The following KCNK3 variants were observed in gnomAD, a reference collection of about 807,000 sequenced individuals.
KCNK3 encodes the protein potassium channel subfamily K member 3.
In KCNK3, 9 loss-of-function variants were observed where a neutral mutation model predicts 27.3. The ratio of observed to expected loss-of-function variants is 0.33; its 90% CI spans 0.20 to 0.57. The LOEUF (loss-of-function observed/expected upper bound fraction) is 0.57. KCNK3 is among the 20% of genes least tolerant of loss of function. The pLI, the probability that KCNK3 is intolerant of heterozygous loss-of-function variation, is 0.87. For missense variants in KCNK3, 391 were observed against 577.7 expected (o/e 0.68, Z 3.31); for synonymous variants, 278 against 273.8 (o/e 1.02, Z -0.15).
Position 26,728,386 on chromosome 2 carries a change from A to C in KCNK3, c.1003A>C (p.Thr335Pro), listed in dbSNP as rs1663470319. 6.2e-7 allele frequency: 1 copy of C among 1,606,812 alleles called. No individual in the cohort carries two copies. Among genetic ancestry groups the C allele is most frequent in the Non-Finnish European group, 8.5e-7 (1 of 1,177,084 alleles). ...IPMIIPRDLS[T>P]SDTCVEQSHS... is the part of the protein sequence containing the mutation. ...CATGATCATCCCGCGGGACCTCTCC[A>C]CGTCCGACACGTGCGTGGAGCAGAG... Residue 335 changes from threonine to proline, a missense_variant, in exon 2 of 2, where the codon ACG (threonine) becomes CCG (proline). Thr to Pro is a conservative substitution (Grantham distance 38). Coordinates refer to ENST00000302909, the MANE Select transcript of KCNK3 (RefSeq NM_002246.3).
In KCNK3 at chr2:26,728,709, G is replaced by C; in HGVS notation, c.*141G>C. ...ACTCTCCCCCAGCACCCCCATCTCCGACTGTGCCTGCTTGCACCAGCCGGC... is the reference window on the plus strand; with the variant it reads ...ACTCTCCCCCAGCACCCCCATCTCCCACTGTGCCTGCTTGCACCAGCCGGC... On this transcript the variant is annotated 3_prime_UTR_variant, in exon 2 of 2. Transcript: ENST00000302909. 2 of 725,440 alleles carry C rather than the reference G, an allele frequency of 2.8e-6. No individual in the cohort carries two copies. The highest frequency in any genetic ancestry group is 3.9e-6 in the Non-Finnish European group (2 of 508,350). 44.9% of individuals were successfully genotyped at this position (725,440 alleles called of 1,614,324 possible).
At position 26,693,982 on chromosome 2, in the gene KCNK3, GAGAGAGAC is replaced by G. The variant is rs1670203920; in HGVS notation, c.283+832_283+839del. 6.6e-6 allele frequency among the ~76,000 whole-genome samples: 1 copy of G among 152,008 alleles called. No homozygotes were observed. Among genetic ancestry groups the G allele is most frequent in the Non-Finnish European group, 1.5e-5 (1 of 67,986 alleles). ...GGGCACACACACACACACACACAGA[GAGAGAGAC>G]AGAGAGAGAGAGAGAGAACAAACGT... On this transcript the variant is annotated intron_variant, in intron 1 of 1. Coordinates refer to ENST00000302909, the MANE Select transcript of KCNK3 (RefSeq NM_002246.3). The surrounding 1 kb of genome is among the most constrained non-coding windows in gnomAD (Gnocchi z 5.5).
intron 1 of KCNK3, among the ~76,000 whole-genome samples, chr2:26,712,717 G>C (rs111492013): frequency 3.8e-4 from 57 of 151,676 alleles, no homozygotes; most frequent in African/African-American, 1.3e-3. Flanking sequence ...GCACACACAT[G>C]TGAATGTTGG....
chr2:26,726,808 T>C (rs955402295), intron 1 of KCNK3, among the ~76,000 whole-genome samples: 2 of 151,936 alleles, frequency 1.3e-5, no homozygotes, highest in African/African-American at 4.8e-5. Context: ...TACAGAGAGA[T>C]TATCTGGCTG....
At chr2:26,699,686 A>T (rs912730160) in intron 1 of KCNK3, among the ~76,000 whole-genome samples, 1 of 151,918 alleles carries the variant, frequency 6.6e-6, no homozygotes, top group African/African-American at 2.4e-5. Flanking sequence ...CAGGACGGAC[A>T]CTCCCTCCTC....
chr2:26,707,354 C>T (rs928156339), intron 1 of KCNK3, among the ~76,000 whole-genome samples: 2 of 152,162 alleles, frequency 1.3e-5, no homozygotes, highest in Admixed American at 6.5e-5. Flanking sequence ...TGGCCAGGAG[C>T]GAGGCTGCAG....
In KCNK3 at chr2:26,728,541, C is replaced by G; in HGVS notation, c.1158C>G (p.Gly386=). The change falls in exon 2 of 2, where the codon GGC becomes GGG. Residue 386 remains glycine, a synonymous_variant. Transcript: ENST00000302909. The part of the protein sequence containing the change: ...TGLHSLSTFR[G]LMKRRSSV ...TGCACAGCCTGTCCACCTTCCGCGGCCTCATGAAGCGCAGGAGCTCCGTGT... is the reference window on the plus strand; with the variant it reads ...TGCACAGCCTGTCCACCTTCCGCGGGCTCATGAAGCGCAGGAGCTCCGTGT... 1 of 1,466,348 alleles carries G rather than the reference C, an allele frequency of 6.8e-7. No individual in the cohort carries two copies. 90.8% of individuals were successfully genotyped at this position (1,466,348 alleles called of 1,614,324 possible).
At chr2:26,723,144 C>T (rs1663354651) in intron 1 of KCNK3, among the ~76,000 whole-genome samples, 2 of 152,214 alleles carry the variant, frequency 1.3e-5, no homozygotes, top group Admixed American at 1.3e-4. Context: ...AGCAGCCAAG[C>T]CCAGTCCAGC....
Position 26,721,649 on chromosome 2 carries a change from T to C in KCNK3, c.284-6018T>C, listed in dbSNP as rs1440611330. On this transcript the variant is annotated intron_variant, in intron 1 of 1. Transcript: ENST00000302909. This position sits in a 1 kb window ranked among gnomAD's most constrained non-coding sequence, Gnocchi z 4.3. ...CCAGCAGGGGAGCCCAGCCTTCCTC[T>C]GAGGGCCCTCCCTGTGTCTTGCAGC... Among the ~76,000 whole-genome samples the C allele has an allele frequency of 1.3e-5, 2 of 152,108 alleles. No homozygotes were observed. The highest frequency in any genetic ancestry group is 2.4e-5 in the African/African-American group (1 of 41,434).
chr2:26,728,211 T>C lies in KCNK3; in HGVS notation c.828T>C (p.Gly276=). 6.4e-7 allele frequency: 1 copy of C among 1,554,012 alleles called. No homozygotes were observed. The highest frequency in any genetic ancestry group is 8.7e-7 in the Non-Finnish European group (1 of 1,150,328). ...GGCAGGCGGGCGGCGGCGGAGGGGG[T>C]GGCAGCGCGCACACTACGGACACCG... ...RNGQAGGGGG[G]GSAHTTDTAS... The change falls in exon 2 of 2, where the codon GGT becomes GGC. Residue 276 remains glycine (G), a synonymous_variant. Transcript: ENST00000302909.
chr2:26,719,797 C>T (rs769863712), intron 1 of KCNK3, among the ~76,000 whole-genome samples: 43 of 152,318 alleles, frequency 2.8e-4, no homozygotes, highest in Non-Finnish European at 5.4e-4. Context: ...GTTTCACCAG[C>T]CCTTGTTACT....
At position 26,729,835 on chromosome 2, in the gene KCNK3, CAA is replaced by C. The variant is rs71401508; in HGVS notation, c.*1283_*1284del. 2 of 125,676 alleles carry C rather than the reference CAA, an allele frequency of 1.6e-5. No homozygotes were observed. The highest frequency in any genetic ancestry group is 3.3e-5 in the Non-Finnish European group (2 of 61,190). The allele number at this position is 125,676 out of a possible 1,614,324, so 7.8% of individuals were successfully genotyped here. A position where few individuals can be genotyped will look rare whatever the true frequency, so the allele number is the denominator to read the frequency against. ...TGGGTGACAGGGCAAGACCCTGTCTCAAAAAAAAAAAAAAAAATGGCAAAGGG... is the reference window on the plus strand; with the variant it reads ...TGGGTGACAGGGCAAGACCCTGTCTCAAAAAAAAAAAAAAATGGCAAAGGG... On this transcript the variant is annotated 3_prime_UTR_variant, in exon 2 of 2. Transcript: ENST00000302909.
At chr2:26,710,868 G>A (rs961667187) in intron 1 of KCNK3, among the ~76,000 whole-genome samples, 9 of 152,226 alleles carry the variant, frequency 5.9e-5, no homozygotes, top group African/African-American at 1.9e-4. Flanking sequence ...GGCTGCAGTA[G>A]TAATTAGCTC....
At position 26,701,269 on chromosome 2, in the gene KCNK3, G is replaced by A. The variant is rs548888082; in HGVS notation, c.283+8111G>A. Among the ~76,000 whole-genome samples, 10 of 152,360 alleles carry A rather than the reference G, an allele frequency of 6.6e-5. No individual in the cohort carries two copies. In the South Asian group the frequency reaches 8.3e-4, roughly 13 times the overall value. ...AGCTGAGGGCCCAGGAGCTGTGGCC[G>A]CTTCCCTGAGGCTGGAGCAATGCTA... On this transcript the variant is annotated intron_variant, in intron 1 of 1. Coordinates refer to ENST00000302909, the MANE Select transcript of KCNK3 (RefSeq NM_002246.3).
At chr2:26,716,277 C>G (rs1216370565) in intron 1 of KCNK3, among the ~76,000 whole-genome samples, 1 of 152,198 alleles carries the variant, frequency 6.6e-6, no homozygotes, top group South Asian at 2.1e-4. Flanking sequence ...AATAGCACCT[C>G]CTCTAAAGGA....
chr2:26,719,866 G>C (rs1038991530), intron 1 of KCNK3, among the ~76,000 whole-genome samples: 3 of 152,212 alleles, frequency 2.0e-5, no homozygotes, highest in African/African-American at 7.2e-5. Context: ...GGCAGTAAAA[G>C]ATGACATGAG....
chr2:26,718,070 G>C (rs529061670), intron 1 of KCNK3, among the ~76,000 whole-genome samples: 1 of 149,120 alleles, frequency 6.7e-6, no homozygotes, highest in South Asian at 2.2e-4. Flanking sequence ...CTCCTTTCTC[G>C]GCCCCTCGCC....
Position 26,727,705 on chromosome 2 carries a change from G to A in KCNK3, c.322G>A (p.Val108Met). 6.5e-7 allele frequency: 1 copy of A among 1,535,524 alleles called. No individual in the cohort carries two copies. The highest frequency in any genetic ancestry group is 1.3e-5 in the South Asian group (1 of 77,830). ...GGCACCCAGCACGGATGGCGGCAAG[G>A]TGTTCTGCATGTTCTACGCGCTGCT... ...HAAPSTDGGKVFCMFYALLGI... is the reference protein window; with the variant it reads ...HAAPSTDGGKMFCMFYALLGI... Residue 108 changes from valine (V) to methionine (M), a missense_variant, in exon 2 of 2, where the codon GTG becomes ATG. Val to Met is a conservative substitution (Grantham distance 21). Around this residue, in one of 4 missense-constraint regions of KCNK3, gnomAD observed 158 missense variants for 267.7 expected, o/e 0.59. Transcript: ENST00000302909.
intron 1 of KCNK3, among the ~76,000 whole-genome samples, chr2:26,705,491 G>A (rs375332897): frequency 1.3e-5 from 2 of 152,220 alleles, no homozygotes; most frequent in African/African-American, 4.8e-5. Context: ...TGCAATTGAG[G>A]GTCAGTGAAC....
Sources: allele counts gnomAD v4.1 joint callset (sites outside exome capture counted in the v4.1 genomes callset), GRCh38; gene constraint gnomAD v4.1.1; regional missense constraint gnomAD v4.1.1; non-coding constraint Gnocchi (gnomAD v3.1); transcripts MANE v1.5; gene names NCBI Gene and HGNC (gene_info 2026-07-23, HGNC 2026-07-21).